Variants in NALF1 observed in about 807,000 individuals in gnomAD.
NALF1 encodes NALCN channel auxiliary factor 1.
Under a neutral mutation model 48.4 loss-of-function variants are expected in NALF1, and 3 were observed. That is an observed-to-expected ratio of 0.06 (90% CI 0.03 to 0.16). The LOEUF is 0.16. Ranked by LOEUF, NALF1 falls within the 10% of genes least tolerant of loss-of-function variation. The pLI is 1.00. For missense variants in NALF1, 526 were observed against 571.5 expected (o/e 0.92, Z 0.81); for synonymous variants, 262 against 245.7 (o/e 1.07, Z -0.62).
intron 2 of NALF1, among the ~76,000 whole-genome samples, chr13:107,185,873 G>A (rs1360039638): frequency 6.6e-6 from 1 of 152,174 alleles, no homozygotes; most frequent in Non-Finnish European, 1.5e-5. Flanking sequence ...CCTCAGCTAA[G>A]TAGCTGAGTT....
intron 1 of NALF1, among the ~76,000 whole-genome samples, chr13:107,654,833 A>C (rs1311334074): frequency 1.3e-5 from 2 of 152,120 alleles, no homozygotes; most frequent in Non-Finnish European, 2.9e-5. Context: ...GGGCTGCAGG[A>C]ATGGTTTAAC....
At position 107,164,198 on chromosome 13, in the gene NALF1, A is replaced by G. The variant is rs948257773; in HGVS notation, c.*6299T>C. 1.6e-4 allele frequency: 25 copies of G among 152,268 alleles called. No homozygotes were observed. Among genetic ancestry groups the G allele is most frequent in the African/African-American group, 5.8e-4 (24 of 41,564 alleles). 9.4% of individuals were successfully genotyped at this position (152,268 alleles called of 1,614,324 possible). A position where few individuals can be genotyped will look rare whatever the true frequency, so the allele number is the denominator to read the frequency against. ...TGGTCTTCACTGAAGTTGTAAATTT[A>G]TTTCACTGATCCTTCTCGCCACTGA... On this transcript the variant is annotated 3_prime_UTR_variant, in exon 3 of 3. Transcript: ENST00000375915.
chr13:107,749,981 G>A (rs772861681), intron 1 of NALF1, among the ~76,000 whole-genome samples: 10 of 151,980 alleles, frequency 6.6e-5, no homozygotes, highest in Non-Finnish European at 1.0e-4. Flanking sequence ...GACAGTGCCC[G>A]GCTAATTTTT....
intron 1 of NALF1, among the ~76,000 whole-genome samples, chr13:107,709,637 T>C (rs1462333774): frequency 2.0e-5 from 3 of 152,234 alleles, no homozygotes; most frequent in Non-Finnish European, 4.4e-5. Context: ...TCAATCAGTA[T>C]CTTGTGTAAT....
At chr13:107,510,374 C>G (rs1875846989) in intron 1 of NALF1, among the ~76,000 whole-genome samples, 1 of 152,080 alleles carries the variant, frequency 6.6e-6, no homozygotes, top group Admixed American at 6.6e-5. Flanking sequence ...TCATTTGAGC[C>G]TACAACGGAG....
intron 1 of NALF1, among the ~76,000 whole-genome samples, chr13:107,715,106 G>A (rs1875712400): frequency 6.6e-6 from 1 of 152,020 alleles, no homozygotes; most frequent in East Asian, 1.9e-4. Context: ...AGGATAATCG[G>A]CATTTAGCAT....
chr13:107,256,218 C>G (rs1880810717), intron 1 of NALF1, among the ~76,000 whole-genome samples: 1 of 152,156 alleles, frequency 6.6e-6, no homozygotes, highest in African/African-American at 2.4e-5. Context: ...CTTTGTTGTA[C>G]TGCTGTCTGC....
At chr13:107,447,510 A>G (rs1884670033) in intron 1 of NALF1, among the ~76,000 whole-genome samples, 1 of 152,088 alleles carries the variant, frequency 6.6e-6, no homozygotes, top group Non-Finnish European at 1.5e-5. Context: ...GAATCCCGGG[A>G]GCTAGCTTCT....
intron 1 of NALF1, among the ~76,000 whole-genome samples, chr13:107,565,666 T>C (rs1319213464): frequency 6.6e-6 from 1 of 152,136 alleles, no homozygotes. Flanking sequence ...ATCTGCAAAA[T>C]GAGACCGTGC....
intron 1 of NALF1, among the ~76,000 whole-genome samples, chr13:107,220,726 G>A (rs534618700): frequency 2.0e-5 from 3 of 152,240 alleles, no homozygotes; most frequent in South Asian, 2.1e-4. Flanking sequence ...GAATGCTCCC[G>A]TCAGTGCACC....
intron 1 of NALF1, among the ~76,000 whole-genome samples, chr13:107,520,953 G>A (rs1240696660): frequency 2.6e-5 from 4 of 152,098 alleles, no homozygotes; most frequent in South Asian, 2.1e-4. Context: ...TAAGAAAGAC[G>A]TACCCAGTGA....
intron 1 of NALF1, among the ~76,000 whole-genome samples, chr13:107,862,651 A>G (rs1470834612): frequency 6.6e-6 from 1 of 151,996 alleles, no homozygotes; most frequent in East Asian, 1.9e-4. Flanking sequence ...TCTATGATAC[A>G]TTGCAATACA....
At chr13:107,350,921 A>G (rs1882861250) in intron 1 of NALF1, among the ~76,000 whole-genome samples, 1 of 152,190 alleles carries the variant, frequency 6.6e-6, no homozygotes, top group Non-Finnish European at 1.5e-5. Flanking sequence ...TCACACTAGG[A>G]GACCACTGGG....
chr13:107,307,635 T>TTA (rs1881962881), intron 1 of NALF1, among the ~76,000 whole-genome samples: 1 of 117,436 alleles, frequency 8.5e-6, no homozygotes, highest in Non-Finnish European at 1.7e-5. Context: ...CCTTTTTTAT[T>TTA]AAAAAAAAAA....
chr13:107,552,022 A>G (rs986850903), intron 1 of NALF1, among the ~76,000 whole-genome samples: 3 of 152,192 alleles, frequency 2.0e-5, no homozygotes, highest in Non-Finnish European at 2.9e-5. Flanking sequence ...TCAAGAAGTA[A>G]AAATTATGAA....
chr13:107,515,457 G>C (rs546910996), intron 1 of NALF1, among the ~76,000 whole-genome samples: 34 of 152,244 alleles, frequency 2.2e-4, no homozygotes, highest in Non-Finnish European at 2.4e-4. Context: ...AAGGTTGTAT[G>C]GCTATGATCC....
chr13:107,262,707 C>T (rs1880953217), intron 1 of NALF1, among the ~76,000 whole-genome samples: 1 of 151,196 alleles, frequency 6.6e-6, no homozygotes, highest in East Asian at 1.9e-4. Context: ...CCATTTTTTC[C>T]CCAATATTAT....
chr13:107,268,840 G>A (rs933169841), intron 1 of NALF1, among the ~76,000 whole-genome samples: 1 of 152,198 alleles, frequency 6.6e-6, no homozygotes, highest in African/African-American at 2.4e-5. Context: ...GAACAACAGG[G>A]TAGTCAAGAG....
chr13:107,415,024 T>C (rs1229645073), intron 1 of NALF1, among the ~76,000 whole-genome samples: 1 of 152,150 alleles, frequency 6.6e-6, no homozygotes, highest in Non-Finnish European at 1.5e-5. Flanking sequence ...AATCCAAAGA[T>C]AAATTATAAT....
Sources: allele counts gnomAD v4.1 joint callset (sites outside exome capture counted in the v4.1 genomes callset), GRCh38; gene constraint gnomAD v4.1.1; transcripts MANE v1.5; gene names NCBI Gene and HGNC (gene_info 2026-07-23, HGNC 2026-07-21).